Variants in MARCHF10 observed in about 807,000 individuals in gnomAD.
The protein encoded by MARCHF10 is membrane associated ring-CH-type finger 10.
Under a neutral mutation model 76.2 loss-of-function variants are expected in MARCHF10, and 64 were observed. The ratio of observed to expected loss-of-function variants is 0.84; its 90% CI spans 0.69 to 1.03. The LOEUF is 1.03. Among genes scored for constraint, MARCHF10 ranks in the 50% least tolerant of loss-of-function variants. MARCHF10 has a pLI of 0.00. For missense variants in MARCHF10, 875 were observed against 958.0 expected, an observed-to-expected ratio of 0.91 and a Z score of 1.14; for synonymous variants, 340 against 357.5, an observed-to-expected ratio of 0.95 and a Z score of 0.55.
intron 2 of MARCHF10, among the ~76,000 whole-genome samples, chr17:62,794,087 C>CCACCACCA (rs1304606556): frequency 4.1e-4 from 61 of 150,254 alleles, no homozygotes; most frequent in African/African-American, 1.4e-3. Context: ...ACCACCACAA[C>CCACCACCA]CATCGCCACC....
At chr17:62,734,649 A>C (rs2091185165) in intron 6 of MARCHF10, among the ~76,000 whole-genome samples, 1 of 152,218 alleles carries the variant, frequency 6.6e-6, no homozygotes, top group Admixed American at 6.5e-5. Context: ...TTATCTTTGG[A>C]TGATAGGGTT....
intron 3 of MARCHF10, among the ~76,000 whole-genome samples, chr17:62,779,827 T>C (rs2148061657): frequency 6.6e-6 from 1 of 152,326 alleles, no homozygotes; most frequent in East Asian, 1.9e-4. Context: ...CTGAGTGCAG[T>C]GGCTCACACC....
intron 3 of MARCHF10, among the ~76,000 whole-genome samples, chr17:62,762,870 G>A (rs188243731): frequency 6.6e-6 from 1 of 152,158 alleles, no homozygotes; most frequent in African/African-American, 2.4e-5. Context: ...AAACCCCATC[G>A]TATCACGCAG....
chr17:62,733,342 G>T (rs2147785642), intron 6 of MARCHF10, among the ~76,000 whole-genome samples: 1 of 152,166 alleles, frequency 6.6e-6, no homozygotes, highest in African/African-American at 2.4e-5. Context: ...AACACAAATG[G>T]TCATTTAATA....
At position 62,792,878 on chromosome 17, in the gene MARCHF10, TC is replaced by T. The variant is rs1361690020; in HGVS notation, c.91-4280del. 6.4e-5 allele frequency among the ~76,000 whole-genome samples: 4 copies of T among 62,582 alleles called. No individual in the cohort carries two copies. The East Asian group carries it at 2.3e-3, about 35-fold the overall frequency. The allele number at this position is 62,582 out of a possible 152,430, so 41.1% of individuals were successfully genotyped here. Reference sequence around the variant, plus strand: ...CCACAACCATCACCACCCATCACCATCCCCTCCATCAACCACCACCACCTCC... The same window carrying T: ...CCACAACCATCACCACCCATCACCATCCCTCCATCAACCACCACCACCTCC... On this transcript the variant is annotated intron_variant, in intron 2 of 10. Coordinates refer to ENST00000311269, the MANE Select transcript of MARCHF10 (RefSeq NM_152598.4).
chr17:62,785,527 G>A (rs2092730041), intron 3 of MARCHF10, among the ~76,000 whole-genome samples: 1 of 152,060 alleles, frequency 6.6e-6, no homozygotes, highest in South Asian at 2.1e-4. Context: ...TAGACAAATG[G>A]GATCTAATTA....
intron 9 of MARCHF10, among the ~76,000 whole-genome samples, chr17:62,705,901 A>G (rs1599026237): frequency 6.6e-6 from 1 of 152,230 alleles, no homozygotes; most frequent in East Asian, 1.9e-4. Flanking sequence ...AATCACATTT[A>G]CAGGCTGTGG....
intron 3 of MARCHF10, among the ~76,000 whole-genome samples, chr17:62,783,746 C>T (rs2092702011): frequency 1.3e-5 from 2 of 152,258 alleles, no homozygotes; most frequent in African/African-American, 4.8e-5. Flanking sequence ...CTATAAACAC[C>T]TCTATGCAAA....
chr17:62,742,667 CTCCT>C (rs201546814), intron 5 of MARCHF10, among the ~76,000 whole-genome samples: 10,442 of 148,152 alleles, frequency 0.07, 762 homozygotes, highest in African/African-American at 0.18. Flanking sequence ...GCTTACCTTT[CTCCT>C]TCCTTCCTTC....
intron 4 of MARCHF10, chr17:62,746,952 T>A (rs1351921097): frequency 6.5e-7 from 1 of 1,536,144 alleles, no homozygotes; most frequent in Admixed American, 2.0e-5. Context: ...GTTTCCGGTT[T>A]ATTCCACCAA....
chr17:62,727,489 C>A (rs557535612), intron 6 of MARCHF10, among the ~76,000 whole-genome samples: 12 of 151,508 alleles, frequency 7.9e-5, no homozygotes, highest in Non-Finnish European at 1.3e-4. Flanking sequence ...GGCAACACAG[C>A]GAGACCTTGT....
chr17:62,750,303 C>T (rs74555591), intron 4 of MARCHF10: 2,083 of 154,250 alleles, frequency 0.014, 22 homozygotes, highest in Non-Finnish European at 0.02. Context: ...CACAGCACGG[C>T]GGGGGACTCG....
At chr17:62,773,748 AAG>A (rs775575016) in intron 3 of MARCHF10, among the ~76,000 whole-genome samples, 22 of 152,140 alleles carry the variant, frequency 1.4e-4, no homozygotes, top group Non-Finnish European at 2.8e-4. Context: ...CGTGAGGTGG[AAG>A]AGAGGAGGGC....
At chr17:62,786,799 C>T (rs1292500450) in intron 3 of MARCHF10, among the ~76,000 whole-genome samples, 2 of 152,168 alleles carry the variant, frequency 1.3e-5, no homozygotes, top group Non-Finnish European at 2.9e-5. Flanking sequence ...TCCTGCATAT[C>T]CCAAATGCAT....
At chr17:62,702,835 CT>C (rs2089328080) in intron 10 of MARCHF10, among the ~76,000 whole-genome samples, 1 of 152,200 alleles carries the variant, frequency 6.6e-6, no homozygotes, top group African/African-American at 2.4e-5. Context: ...CCCCCATCCC[CT>C]CGTCCATCCT....
At chr17:62,778,264 G>A (rs570889098) in intron 3 of MARCHF10, among the ~76,000 whole-genome samples, 1 of 152,064 alleles carries the variant, frequency 6.6e-6, no homozygotes. Context: ...GGTAGGCAGG[G>A]GTCAGGCACA....
intron 3 of MARCHF10, among the ~76,000 whole-genome samples, chr17:62,778,371 A>G (rs1217344050): frequency 6.6e-6 from 1 of 152,160 alleles, no homozygotes; most frequent in Non-Finnish European, 1.5e-5. Flanking sequence ...TTGTGATCCA[A>G]TTTGATCCTA....
intron 3 of MARCHF10, among the ~76,000 whole-genome samples, chr17:62,776,499 A>G (rs1568194728): frequency 6.6e-6 from 1 of 152,210 alleles, no homozygotes; most frequent in Non-Finnish European, 1.5e-5. Flanking sequence ...AAAATTACCT[A>G]GAGGAACTCA....
Position 62,701,320 on chromosome 17 carries a change from A to T in MARCHF10, c.*383T>A. 1 of 236,346 alleles carries T rather than the reference A, an allele frequency of 4.2e-6. No homozygotes were observed. The highest frequency in any genetic ancestry group is 7.3e-5 in the South Asian group (1 of 13,732). 14.6% of individuals were successfully genotyped at this position (236,346 alleles called of 1,614,324 possible). On this transcript the variant is annotated 3_prime_UTR_variant, in exon 11 of 11. Coordinates refer to ENST00000311269, the MANE Select transcript of MARCHF10 (RefSeq NM_152598.4). ...AAATAAACATGAACGAAGCTGGGAG[A>T]ATAATGTCAGTTTACTGAATGAATA...
Sources: gnomAD v4.1 joint callset for allele counts (sites outside exome capture counted in the v4.1 genomes callset) on GRCh38, gnomAD v4.1.1 for gene constraint, MANE v1.5 for transcripts, NCBI Gene and HGNC (gene_info 2026-07-23, HGNC 2026-07-21) for gene names.